The following RGMA variants were observed in gnomAD, a reference collection of about 807,000 sequenced individuals.
RGMA encodes repulsive guidance molecule BMP co-receptor a.
A neutral mutation model predicts 23.2 loss-of-function variants in RGMA; 10 were observed. The ratio of observed to expected loss-of-function variants is 0.43; its 90% CI spans 0.27 to 0.73. The LOEUF is 0.73. RGMA is among the 30% of genes least tolerant of loss of function. The pLI is 0.20. For synonymous variants in RGMA, 308 were observed against 279.3 expected (o/e 1.10, Z -1.03); for missense variants, 547 against 630.5 (o/e 0.87, Z 1.42).
chr15:93,055,667 C>T (rs909444778), intron 2 of RGMA, among the ~76,000 whole-genome samples: 4 of 152,232 alleles, frequency 2.6e-5, no homozygotes, highest in African/African-American at 2.4e-5. Context: ...CATCTTATGA[C>T]ACTGTGCTCC....
intron 2 of RGMA, among the ~76,000 whole-genome samples, chr15:93,057,941 T>C (rs1470166228): frequency 6.6e-6 from 1 of 152,134 alleles, no homozygotes; most frequent in Non-Finnish European, 1.5e-5. Flanking sequence ...TCCTTGTTCC[T>C]GACAGAGAGC....
intron 2 of RGMA, among the ~76,000 whole-genome samples, chr15:93,053,854 C>G (rs1218279846): frequency 6.6e-6 from 1 of 152,210 alleles, no homozygotes; most frequent in Non-Finnish European, 1.5e-5. Flanking sequence ...CTGCCAGTAA[C>G]AAGGTAATTT....
intron 2 of RGMA, among the ~76,000 whole-genome samples, chr15:93,070,709 C>T (rs1295628895): frequency 2.6e-5 from 4 of 152,182 alleles, no homozygotes; most frequent in Non-Finnish European, 5.9e-5. Context: ...TTTGACTAAA[C>T]GCAGCTGTCA....
In RGMA at chr15:93,060,721, G is replaced by A. The variant is rs1894931149; in HGVS notation, c.131-8214C>T. Among the ~76,000 whole-genome samples, 3 of 152,220 alleles carry A rather than the reference G, an allele frequency of 2.0e-5. No individual in the cohort carries two copies. In the South Asian group the frequency reaches 6.2e-4, roughly 32 times the overall value. On this transcript the variant is annotated intron_variant, in intron 2 of 3. Coordinates refer to ENST00000329082, the MANE Select transcript of RGMA (RefSeq NM_020211.3). ...TGGTCACTTTTCAAGGCACACCACG[G>A]AATTTTAGAACCTGGGAGCCTGGGG...
In RGMA at chr15:93,045,782, G is replaced by C; in HGVS notation, c.646-77C>G. 2.8e-6 allele frequency: 3 copies of C among 1,088,690 alleles called. No individual in the cohort carries two copies. Among genetic ancestry groups the C allele is most frequent in the South Asian group, 1.4e-5 (1 of 72,048 alleles). 67.4% of individuals were successfully genotyped at this position (1,088,690 alleles called of 1,614,324 possible). On this transcript the variant is annotated intron_variant, in intron 3 of 3. Transcript: ENST00000329082. This position sits in a 1 kb window ranked among gnomAD's most constrained non-coding sequence, Gnocchi z 6.9. ...ACAGCCCCACACTTAAGATGCTCTA[G>C]ACTGAGAGGAGGGCAGGAAGGATCC...
Position 93,045,357 on chromosome 15 carries a change from T to C in RGMA, c.994A>G (p.Thr332Ala), listed in dbSNP as rs1055212704. ...NQQIDFQAFH[T>A]NAEGTGARRL... ...CGGGCACCGGTGCCCTCAGCATTGG[T>C]GTGGAAGGCCTGGAAGTCGATCTGC... The change falls in exon 4 of 4, where the codon ACC becomes GCC. Residue 332 changes from threonine (T) to alanine (A), a missense_variant. By Grantham distance (58) the Thr-to-Ala change is moderately conservative (BLOSUM62 0). Transcript: ENST00000329082. This position sits in a 1 kb window ranked among gnomAD's most constrained non-coding sequence, Gnocchi z 6.9. 6.2e-7 allele frequency: 1 copy of C among 1,610,934 alleles called. No individual in the cohort carries two copies. Among genetic ancestry groups the C allele is most frequent in the Non-Finnish European group, 8.5e-7 (1 of 1,179,296 alleles).
chr15:93,082,090 T>G (rs143269479), intron 1 of RGMA, among the ~76,000 whole-genome samples: 1 of 152,250 alleles, frequency 6.6e-6, no homozygotes, highest in Non-Finnish European at 1.5e-5. Flanking sequence ...AATGAGTCAA[T>G]ACAATCATAA....
chr15:93,071,184 A>G (rs892023770), intron 2 of RGMA, among the ~76,000 whole-genome samples: 4 of 152,210 alleles, frequency 2.6e-5, no homozygotes, highest in Admixed American at 6.5e-5. Context: ...AAAACTTCCA[A>G]TGGGCTTGAT....
At chr15:93,077,995 G>A (rs140366615) in intron 1 of RGMA, among the ~76,000 whole-genome samples, 26 of 152,276 alleles carry the variant, frequency 1.7e-4, no homozygotes, top group African/African-American at 4.8e-4. Flanking sequence ...GGTATGAGCC[G>A]CTGTGCCCAG....
At chr15:93,048,586 C>G (rs1180805916) in intron 3 of RGMA, among the ~76,000 whole-genome samples, 2 of 152,164 alleles carry the variant, frequency 1.3e-5, no homozygotes, top group Non-Finnish European at 2.9e-5. Context: ...CGGCACACTT[C>G]CCATTTGCCG....
rs767006823 is a variant in RGMA at position 93,072,984 on chromosome 15, C to G, written c.62G>C (p.Arg21Thr). ...TCCCAGGGCTGAACGTCCTGCCCCT[C>G]TCCCCATACCCATCCATCCAGCTCG... ...TGRAGWMGMG[R>T]GAGRSALGFW... Residue 21 changes from arginine (R) to threonine (T), a missense_variant, in exon 2 of 4, where the codon AGA becomes ACA. Transcript: ENST00000329082. 6.2e-7 allele frequency: 1 copy of G among 1,611,568 alleles called. No individual in the cohort carries two copies. Among genetic ancestry groups the G allele is most frequent in the South Asian group, 1.1e-5 (1 of 90,228 alleles).
chr15:93,072,871 C>A, intron 2 of RGMA, 45 bp downstream of exon 2: 2 of 1,561,840 alleles, frequency 1.3e-6, no homozygotes, highest in Non-Finnish European at 1.7e-6. Context: ...CATTGAGGGG[C>A]GGCCCAGGGA....
chr15:93,082,007 C>A (rs1479994552), intron 1 of RGMA, among the ~76,000 whole-genome samples: 2 of 152,348 alleles, frequency 1.3e-5, no homozygotes, highest in East Asian at 3.9e-4. Context: ...CACAGACTCT[C>A]TAGAGCTCAG....
At chr15:93,071,181 C>A (rs1053229517) in intron 2 of RGMA, among the ~76,000 whole-genome samples, 6 of 152,238 alleles carry the variant, frequency 3.9e-5, no homozygotes, top group Admixed American at 3.9e-4. Flanking sequence ...GATAAAACTT[C>A]CAATGGGCTT....
At chr15:93,081,594 G>C (rs561035804) in intron 1 of RGMA, among the ~76,000 whole-genome samples, 20 of 152,216 alleles carry the variant, frequency 1.3e-4, no homozygotes, top group Non-Finnish European at 2.6e-4. Flanking sequence ...CTTGGGAGAA[G>C]AACTGTCTTG....
At chr15:93,052,564 G>A in intron 2 of RGMA, 57 bp from the exon 3 acceptor site, 1 of 1,484,384 alleles carries the variant, frequency 6.7e-7, no homozygotes, top group Middle Eastern at 1.8e-4. Flanking sequence ...CCCAGCTTCT[G>A]CTACCATCTG....
At chr15:93,085,196 A>T (rs996797930) in intron 1 of RGMA, among the ~76,000 whole-genome samples, 1 of 137,376 alleles carries the variant, frequency 7.3e-6, no homozygotes, top group Non-Finnish European at 1.7e-5. Flanking sequence ...TGCTCCAAAG[A>T]CCCTGATCTT....
At chr15:93,080,447 G>C (rs1895540553) in intron 1 of RGMA, among the ~76,000 whole-genome samples, 1 of 152,140 alleles carries the variant, frequency 6.6e-6, no homozygotes, top group South Asian at 2.1e-4. Flanking sequence ...TAACCTGCTT[G>C]AGGTCACCCA....
At chr15:93,047,955 T>TG (rs2054852012) in intron 3 of RGMA, among the ~76,000 whole-genome samples, 1 of 151,798 alleles carries the variant, frequency 6.6e-6, no homozygotes. Flanking sequence ...AGGTGGAAGG[T>TG]GGGGTCTGGC....
Sources: gnomAD v4.1 joint callset for allele counts (sites outside exome capture counted in the v4.1 genomes callset) on GRCh38, gnomAD v4.1.1 for gene constraint, Gnocchi (gnomAD v3.1) non-coding constraint, MANE v1.5 for transcripts, NCBI Gene and HGNC (gene_info 2026-07-23, HGNC 2026-07-21) for gene names.